The following DCLK2 variants were observed in gnomAD, a reference collection of about 807,000 sequenced individuals.
The protein encoded by DCLK2 is doublecortin like kinase 2.
DCLK2 carries 31 observed loss-of-function variants against 78.4 expected under a neutral mutation model. That is an observed-to-expected ratio of 0.40 (90% confidence interval 0.30 to 0.53). DCLK2 has a LOEUF of 0.53. Ranked by LOEUF, DCLK2 falls within the 20% of genes least tolerant of loss-of-function variation. The pLI, the probability that DCLK2 is intolerant of heterozygous loss-of-function variation, is 0.61. For missense variants in DCLK2, 872 were observed against 973.7 expected (o/e 0.90, Z 1.39); for synonymous variants, 407 against 374.9 (o/e 1.09, Z -0.99).
Position 150,079,315 on chromosome 4 carries a change from C to T in DCLK2, c.288C>T (p.Phe96=). The change falls in exon 1 of 16, where the codon TTC becomes TTT. Residue 96 remains phenylalanine, a synonymous_variant. Coordinates refer to ENST00000296550, the MANE Select transcript of DCLK2 (RefSeq NM_001040260.4). ...GLVFAISSDR[F]RSFDALLIEL... is the part of the protein sequence containing the mutation. The stretch of plus-strand genomic sequence containing the variant: ...TGTTTGCCATCTCCAGCGACCGCTT[C>T]CGGTCCTTCGATGCGCTCCTCATAG... 6.3e-7 allele frequency: 1 copy of T among 1,592,926 alleles called. No individual in the cohort carries two copies. The highest frequency in any genetic ancestry group is 1.1e-5 in the South Asian group (1 of 87,840).
chr4:150,149,915 C>A (rs1467340342), intron 2 of DCLK2, among the ~76,000 whole-genome samples: 1 of 152,118 alleles, frequency 6.6e-6, no homozygotes, highest in Admixed American at 6.5e-5. Context: ...AATTTTAGAG[C>A]AAATAAAACT....
intron 2 of DCLK2, among the ~76,000 whole-genome samples, chr4:150,177,910 G>C (rs1737205682): frequency 6.6e-6 from 1 of 152,144 alleles, no homozygotes; most frequent in Admixed American, 6.5e-5. Context: ...GAAGGAAGCA[G>C]GGCACTGGGG....
At chr4:150,102,937 TTGTG>T (rs568327772) in intron 2 of DCLK2, 125 bp downstream of exon 2, 24 of 848,714 alleles carry the variant, frequency 2.8e-5, no homozygotes, top group Non-Finnish European at 3.9e-5. Flanking sequence ...ATACTTGAGA[TTGTG>T]TGTGTGTGTG....
At position 150,079,219 on chromosome 4, in the gene DCLK2, C is replaced by G; in HGVS notation, c.192C>G (p.Ala64=). 5 of 1,611,578 alleles carry G rather than the reference C, an allele frequency of 3.1e-6. No homozygotes were observed. The highest frequency in any genetic ancestry group is 4.2e-6 in the Non-Finnish European group (5 of 1,179,020). The change falls in exon 1 of 16, where the codon GCC becomes GCG. Residue 64 remains alanine, a synonymous_variant. Transcript: ENST00000296550. ...CSFYRTRTLQ[A]LSSEKKAKKA... Reference sequence around the variant, plus strand: ...TCTACCGCACGCGGACCCTGCAGGCCCTCAGCTCGGAGAAGAAGGCCAAGA... The same window carrying G: ...TCTACCGCACGCGGACCCTGCAGGCGCTCAGCTCGGAGAAGAAGGCCAAGA...
rs1729065905 is a variant in DCLK2 at position 150,079,363 on chromosome 4, C to A, written c.336C>A (p.Asp112Glu). Residue 112 changes from aspartate (D) to glutamate (E), a missense_variant, in exon 1 of 16, where the codon GAC (aspartate) becomes GAA (glutamate). This residue lies in a region of DCLK2 where 567 missense variants were observed against 593.4 expected (regional missense o/e 0.96). Coordinates refer to ENST00000296550, the MANE Select transcript of DCLK2 (RefSeq NM_001040260.4). ...LLIELTRSLS[D>E]NVNLPQGVRT... ...TAGAGCTCACCCGCTCCCTGTCGGA[C>A]AACGTGAACCTGCCCCAGGGTGTCC... 1 of 1,589,154 alleles carries A rather than the reference C, an allele frequency of 6.3e-7. No homozygotes were observed. Among genetic ancestry groups the A allele is most frequent in the African/African-American group, 1.3e-5 (1 of 74,344 alleles).
Position 150,256,353 on chromosome 4 carries a change from G to A in DCLK2, c.*106G>A, listed in dbSNP as rs553352770. 1.7e-4 allele frequency: 242 copies of A among 1,406,030 alleles called. No individual in the cohort carries two copies. The highest frequency in any genetic ancestry group is 2.1e-4 in the Non-Finnish European group (228 of 1,074,230). 87.1% of individuals were successfully genotyped at this position (1,406,030 alleles called of 1,614,324 possible). ...AGGCCTCCCTCTCTTCACCGCCTGC[G>A]CCTGAGTTCGCGGGTCCTCCGCAGG... On this transcript the variant is annotated 3_prime_UTR_variant, in exon 16 of 16. Coordinates refer to ENST00000296550, the MANE Select transcript of DCLK2 (RefSeq NM_001040260.4).
chr4:150,238,539 C>T (rs951967357), intron 10 of DCLK2, among the ~76,000 whole-genome samples: 2 of 152,160 alleles, frequency 1.3e-5, no homozygotes, highest in Non-Finnish European at 2.9e-5. Flanking sequence ...CATAAATAGT[C>T]ACGTCTCCAC....
chr4:150,168,640 A>C (rs1736281173), intron 2 of DCLK2, among the ~76,000 whole-genome samples: 1 of 152,226 alleles, frequency 6.6e-6, no homozygotes, highest in African/African-American at 2.4e-5. Context: ...CTGCTAACAG[A>C]ACCAAGGTCT....
chr4:150,079,931 T>G (rs886760817), intron 1 of DCLK2, among the ~76,000 whole-genome samples: 6 of 152,182 alleles, frequency 3.9e-5, no homozygotes, highest in African/African-American at 1.4e-4. Context: ...TAGTTTGCCT[T>G]GCAGCAGAAG....
intron 1 of DCLK2, among the ~76,000 whole-genome samples, chr4:150,092,468 C>A (rs537864637): frequency 6.6e-6 from 1 of 152,016 alleles, no homozygotes; most frequent in South Asian, 2.1e-4. Context: ...TCTCTAATAC[C>A]TTTTTTAAAA....
At chr4:150,096,268 G>A (rs866075280) in intron 1 of DCLK2, among the ~76,000 whole-genome samples, 2 of 152,212 alleles carry the variant, frequency 1.3e-5, no homozygotes, top group East Asian at 1.9e-4. Flanking sequence ...TGGTTATTCC[G>A]TTCAATACTT....
intron 5 of DCLK2, 74 bp downstream of exon 5, chr4:150,203,963 T>C (rs1049087275): frequency 1.4e-6 from 2 of 1,399,250 alleles, no homozygotes; most frequent in East Asian, 4.6e-5. Context: ...GTTTAATTTG[T>C]TTGGGGGCTT....
chr4:150,171,796 G>A (rs1336123489), intron 2 of DCLK2, among the ~76,000 whole-genome samples: 1 of 152,196 alleles, frequency 6.6e-6, no homozygotes, highest in East Asian at 1.9e-4. Flanking sequence ...AACTTCCATT[G>A]TCCATGCTCT....
At chr4:150,178,005 T>A (rs1160552739) in intron 2 of DCLK2, among the ~76,000 whole-genome samples, 3 of 152,162 alleles carry the variant, frequency 2.0e-5, no homozygotes, top group Non-Finnish European at 4.4e-5. Flanking sequence ...CATGACCAAA[T>A]GATATTTGTT....
intron 2 of DCLK2, among the ~76,000 whole-genome samples, chr4:150,124,742 ACAGTAG>A (rs1339159649): frequency 2.0e-5 from 3 of 152,234 alleles, no homozygotes; most frequent in Non-Finnish European, 4.4e-5. Context: ...TCAGCTTAAT[ACAGTAG>A]CCCAAATTTT....
At position 150,079,051 on chromosome 4, in the gene DCLK2, G is replaced by A. The variant is rs1438447550; in HGVS notation, c.24G>A (p.Glu8=). Residue 8 remains glutamate, a synonymous_variant, in exon 1 of 16, where the codon GAG becomes GAA. Transcript: ENST00000296550. ...CGATGGCCAGCACCAGGAGTATCGA[G>A]CTGGAGCACTTTGAGGAACGGGACA... The part of the protein sequence containing the change: MASTRSI[E]LEHFEERDKR... The A allele has an allele frequency of 1.3e-6, 2 of 1,552,090 alleles. No individual in the cohort carries two copies. Among genetic ancestry groups the A allele is most frequent in the Non-Finnish European group, 8.7e-7 (1 of 1,153,936 alleles).
At chr4:150,138,922 C>A (rs923113074) in intron 2 of DCLK2, among the ~76,000 whole-genome samples, 1 of 151,972 alleles carries the variant, frequency 6.6e-6, no homozygotes, top group Admixed American at 6.6e-5. Flanking sequence ...CCTTGGCCTC[C>A]CAAAGTGCTG....
rs964521276 is a variant in DCLK2 at position 150,078,758 on chromosome 4, G to T, written c.-270G>T. 5.0e-5 allele frequency: 16 copies of T among 318,126 alleles called. No individual in the cohort carries two copies. Among genetic ancestry groups the T allele is most frequent in the Middle Eastern group, 8.1e-4 (1 of 1,230 alleles). The allele number at this position is 318,126 out of a possible 1,614,324, so 19.7% of individuals were successfully genotyped here. A position where few individuals can be genotyped will look rare whatever the true frequency, so the allele number is the denominator to read the frequency against. The stretch of plus-strand genomic sequence containing the variant: ...CCGGGTGGAGGAGGCGCTTGCGGGG[G>T]CGTGGGGCTCCCCGGCAGGCGGGAG... On this transcript the variant is annotated 5_prime_UTR_variant, in exon 1 of 16. Coordinates refer to ENST00000296550, the MANE Select transcript of DCLK2 (RefSeq NM_001040260.4).
chr4:150,179,178 C>T (rs916418829), intron 2 of DCLK2, among the ~76,000 whole-genome samples: 3 of 152,128 alleles, frequency 2.0e-5, no homozygotes, highest in Non-Finnish European at 4.4e-5. Context: ...CAGGCGCCCG[C>T]CACCATGCCT....
Sources: allele counts gnomAD v4.1 joint callset (sites outside exome capture counted in the v4.1 genomes callset), GRCh38; gene constraint gnomAD v4.1.1; regional missense constraint gnomAD v4.1.1; transcripts MANE v1.5; gene names NCBI Gene and HGNC (gene_info 2026-07-23, HGNC 2026-07-21).